The following CDC42BPB variants were observed in gnomAD, a reference collection of about 807,000 sequenced individuals.
CDC42BPB encodes the protein serine/threonine-protein kinase MRCK beta.
A neutral mutation model predicts 214.9 loss-of-function variants in CDC42BPB; 37 were observed. The ratio of observed to expected loss-of-function variants is 0.17; its 90% CI spans 0.13 to 0.23. CDC42BPB has a LOEUF of 0.23. Ranked by LOEUF, CDC42BPB falls within the 10% of genes least tolerant of loss-of-function variation. The pLI, the probability that CDC42BPB is intolerant of heterozygous loss-of-function variation, is 1.00. For missense variants in CDC42BPB, 1,694 were observed against 2,227.0 expected, an observed-to-expected ratio of 0.76 and a Z score of 4.82; for synonymous variants, 931 against 884.0, an observed-to-expected ratio of 1.05 and a Z score of -0.94.
At chr14:102,978,566 T>C (rs1378460329) in intron 8 of CDC42BPB, among the ~76,000 whole-genome samples, 1 of 152,240 alleles carries the variant, frequency 6.6e-6, no homozygotes, top group African/African-American at 2.4e-5. Flanking sequence ...ATGGTCCCTC[T>C]GAGGACCCCG....
rs891881767 is a variant in CDC42BPB, at chr14:103,057,346, C to T, written c.-173G>A. On this transcript the variant is annotated 5_prime_UTR_variant, in exon 1 of 37. Transcript: ENST00000361246. Reference sequence around the variant, plus strand: ...CTAGGCCGACATCTTGGGCTCCGTCCCGACGGCGCAGAGTCTGGGGCGCCG... The same window carrying T: ...CTAGGCCGACATCTTGGGCTCCGTCTCGACGGCGCAGAGTCTGGGGCGCCG... 59 of 1,022,018 alleles carry T rather than the reference C, an allele frequency of 5.8e-5. No individual in the cohort carries two copies. The highest frequency in any genetic ancestry group is 6.4e-5 in the Non-Finnish European group (55 of 855,858). 63.3% of individuals were successfully genotyped at this position (1,022,018 alleles called of 1,614,324 possible).
Position 103,046,842 on chromosome 14 carries a change from CG to C in CDC42BPB, c.175+10156del, listed in dbSNP as rs111236769. Reference sequence around the variant, plus strand: ...CTAGTTTTTGTATTTTTAGTACAGACGGGGTTTTGCCATGTTGGCCAGGCTG... The same window carrying C: ...CTAGTTTTTGTATTTTTAGTACAGACGGGTTTTGCCATGTTGGCCAGGCTG... On this transcript the variant is annotated intron_variant, in intron 1 of 36. Coordinates refer to ENST00000361246, the MANE Select transcript of CDC42BPB (RefSeq NM_006035.4). Among the ~76,000 whole-genome samples, 769 of 151,808 alleles carry C rather than the reference CG, an allele frequency of 5.1e-3. 11 individuals are homozygous for C. Among genetic ancestry groups the C allele is most frequent in the African/African-American group, 0.017 (719 of 41,430 alleles).
At chr14:102,985,681 T>G (rs1202928102) in intron 6 of CDC42BPB, among the ~76,000 whole-genome samples, 4 of 152,256 alleles carry the variant, frequency 2.6e-5, no homozygotes, top group Admixed American at 2.6e-4. Flanking sequence ...AATCCGCCAG[T>G]AGGCAAGAAA....
Position 102,938,137 on chromosome 14 carries a change from A to G in CDC42BPB, c.4971T>C (p.Ser1657=). The G allele has an allele frequency of 6.2e-7, 1 of 1,613,960 alleles. No homozygotes were observed. The highest frequency in any genetic ancestry group is 8.5e-7 in the Non-Finnish European group (1 of 1,180,000). ...SEPSVTVPLR[S]MSDPDQDFDK... is the part of the protein sequence containing the mutation. The stretch of plus-strand genomic sequence containing the variant: ...CAAAGTCCTGGTCTGGATCAGACAT[A>G]CTTCTCAGAGGCACAGTCACGCTAG... The change falls in exon 36 of 37, where the codon AGT becomes AGC. Residue 1657 remains serine (S), a synonymous_variant. Coordinates refer to ENST00000361246, the MANE Select transcript of CDC42BPB (RefSeq NM_006035.4).
chr14:102,943,941 C>T lies in CDC42BPB; in HGVS notation c.4358G>A (p.Arg1453Gln), dbSNP rs577521745. The T allele has an allele frequency of 5.0e-6, 8 of 1,612,720 alleles. No homozygotes were observed. The highest frequency in any genetic ancestry group is 3.3e-5 in the Admixed American group (2 of 60,016). ...HMGLYVDPQG[R>Q]RARAQELMWP... is the part of the protein sequence containing the mutation. ...CATGAGCTCCTGCGCGCGTGCCCTC[C>T]GGCCTTGCGGGTCCACGTACAGTCC... The change falls in exon 30 of 37, where the codon CGG (arginine) becomes CAG (glutamine). Residue 1453 changes from arginine (R) to glutamine (Q), a missense_variant. Around this residue, in one of 7 missense-constraint regions of CDC42BPB, gnomAD observed 567 missense variants for 790.3 expected, o/e 0.72. Coordinates refer to ENST00000361246, the MANE Select transcript of CDC42BPB (RefSeq NM_006035.4). This position sits in a 1 kb window ranked among gnomAD's most constrained non-coding sequence, Gnocchi z 4.6.
intron 5 of CDC42BPB, among the ~76,000 whole-genome samples, chr14:102,989,916 T>G (rs1894415705): frequency 6.6e-6 from 1 of 151,792 alleles, no homozygotes; most frequent in Admixed American, 6.6e-5. Context: ...ATGGAATGAT[T>G]TACAGGATAC....
chr14:102,968,427 G>C (rs34232888), intron 15 of CDC42BPB, 45 bp downstream of exon 15: 1 of 1,613,296 alleles, frequency 6.2e-7, no homozygotes, highest in East Asian at 2.2e-5. Flanking sequence ...TATGGCGTGG[G>C]TATCAGCTTG....
intron 1 of CDC42BPB, among the ~76,000 whole-genome samples, chr14:103,030,179 C>T (rs1222986985): frequency 6.6e-6 from 1 of 152,238 alleles, no homozygotes; most frequent in African/African-American, 2.4e-5. Flanking sequence ...CAGGAGTGAC[C>T]AGTAGTCGCC....
At chr14:102,945,441 A>G (rs1250174239) in intron 29 of CDC42BPB, 3 of 562,226 alleles carry the variant, frequency 5.3e-6, no homozygotes, top group Non-Finnish European at 9.8e-6. Flanking sequence ...CCCCCCACCC[A>G]CTCCCGCTCA....
chr14:102,998,231 T>C (rs1185820105), intron 5 of CDC42BPB, among the ~76,000 whole-genome samples: 3 of 152,186 alleles, frequency 2.0e-5, no homozygotes, highest in South Asian at 2.1e-4. Context: ...GAGGTAATTA[T>C]GTAAAAGAGT....
chr14:102,962,789 T>C (rs956056765), intron 20 of CDC42BPB, among the ~76,000 whole-genome samples: 27 of 152,136 alleles, frequency 1.8e-4, no homozygotes, highest in African/African-American at 5.5e-4. Context: ...GATGCAGAGG[T>C]TGCAGTGAGC....
At chr14:103,054,065 A>C (rs2139798284) in intron 1 of CDC42BPB, among the ~76,000 whole-genome samples, 1 of 152,260 alleles carries the variant, frequency 6.6e-6, no homozygotes, top group South Asian at 2.1e-4. Context: ...GGGTTTTGTC[A>C]GGTTGCTCAG....
At chr14:103,045,222 T>C (rs1888225133) in intron 1 of CDC42BPB, among the ~76,000 whole-genome samples, 1 of 152,262 alleles carries the variant, frequency 6.6e-6, no homozygotes, top group East Asian at 1.9e-4. Context: ...TCTAGTCACC[T>C]TTGCACCTCG....
At chr14:103,012,309 A>G (rs140767850) in intron 1 of CDC42BPB, 121 bp from the exon 2 acceptor site, 2 of 1,460,196 alleles carry the variant, frequency 1.4e-6, no homozygotes, top group African/African-American at 1.4e-5. Flanking sequence ...AAAATATTTA[A>G]TATCTGACAT....
In CDC42BPB at chr14:103,035,278, A is replaced by G. The variant is rs1253697182; in HGVS notation, c.175+21721T>C. On this transcript the variant is annotated intron_variant, in intron 1 of 36. Transcript: ENST00000361246. The stretch of plus-strand genomic sequence containing the variant: ...CTCCTTGTCGGTCAGGCTGGTCTCA[A>G]ACTCCTAATCTCAGGTGATCCGCCT... Among the ~76,000 whole-genome samples the G allele has an allele frequency of 2.0e-5, 3 of 152,198 alleles. No homozygotes were observed. In the East Asian group the frequency reaches 5.8e-4, roughly 30 times the overall value.
chr14:102,941,992 G>A (rs1402040623), intron 30 of CDC42BPB, among the ~76,000 whole-genome samples: 2 of 152,232 alleles, frequency 1.3e-5, no homozygotes, highest in Non-Finnish European at 2.9e-5. Flanking sequence ...GGAACTTCAG[G>A]TGTCTACGCC....
chr14:103,005,328 A>G (rs1377611390), intron 3 of CDC42BPB, among the ~76,000 whole-genome samples: 7 of 152,234 alleles, frequency 4.6e-5, no homozygotes, highest in African/African-American at 1.7e-4. Flanking sequence ...GCACGAGGGC[A>G]CAGTTCTGAC....
intron 17 of CDC42BPB, 137 bp from the exon 18 acceptor site, chr14:102,966,524 T>C: frequency 2.1e-6 from 3 of 1,457,724 alleles, no homozygotes; most frequent in Non-Finnish European, 2.7e-6. Context: ...AGTGTACCCG[T>C]TGTATACACG....
chr14:102,957,060 G>A (rs891251328), intron 21 of CDC42BPB, among the ~76,000 whole-genome samples: 4 of 148,532 alleles, frequency 2.7e-5, no homozygotes, highest in Non-Finnish European at 4.5e-5. Context: ...AATTAGCCGG[G>A]CATAGTGGCG....
Sources: gnomAD v4.1 joint callset for allele counts (sites outside exome capture counted in the v4.1 genomes callset) on GRCh38, gnomAD v4.1.1 for gene constraint, gnomAD v4.1.1 regional missense constraint, Gnocchi (gnomAD v3.1) non-coding constraint, MANE v1.5 for transcripts, NCBI Gene and HGNC (gene_info 2026-07-23, HGNC 2026-07-21) for gene names.